TCERG1L: variants seen among roughly 807,000 people sequenced by gnomAD.
The protein encoded by TCERG1L is transcription elongation regulator 1-like protein.
In TCERG1L, 37 loss-of-function variants were observed where a neutral mutation model predicts 56.3. That is an observed-to-expected ratio of 0.66 (90% confidence interval 0.51 to 0.87). TCERG1L has a LOEUF of 0.87. Among genes scored for constraint, TCERG1L ranks in the 40% least tolerant of loss-of-function variants. The probability of loss-of-function intolerance (pLI) is 0.00; values close to 1 mark genes in which losing one functional copy is unlikely to be tolerated. For synonymous variants in TCERG1L, 324 were observed against 326.3 expected, an observed-to-expected ratio of 0.99 and a Z score of 0.08; for missense variants, 799 against 774.2, an observed-to-expected ratio of 1.03 and a Z score of -0.38.
intron 4 of TCERG1L, among the ~76,000 whole-genome samples, chr10:131,181,091 C>G (rs1216386923): frequency 2.0e-5 from 3 of 152,196 alleles, no homozygotes; most frequent in Non-Finnish European, 4.4e-5. Flanking sequence ...CAGACCATAA[C>G]CCCAGAGTCC....
intron 9 of TCERG1L, among the ~76,000 whole-genome samples, chr10:131,113,818 T>A (rs558535780): frequency 1.4e-5 from 2 of 142,220 alleles, no homozygotes; most frequent in Admixed American, 1.4e-4. Context: ...TGGGTGAGCA[T>A]CACCTGCTTG....
intron 6 of TCERG1L, among the ~76,000 whole-genome samples, chr10:131,160,419 C>G (rs1845964897): frequency 2.6e-5 from 4 of 151,958 alleles, no homozygotes; most frequent in Admixed American, 2.6e-4. Context: ...CCCCGCCACT[C>G]CCTCTGACCA....
chr10:131,295,555 T>C (rs1029619557), intron 3 of TCERG1L, among the ~76,000 whole-genome samples: 1 of 152,258 alleles, frequency 6.6e-6, no homozygotes, highest in Non-Finnish European at 1.5e-5. Flanking sequence ...TAATGAAATA[T>C]GATGTTGAAC....
chr10:131,217,107 C>A (rs1589751748), intron 4 of TCERG1L, among the ~76,000 whole-genome samples: 1 of 152,282 alleles, frequency 6.6e-6, no homozygotes, highest in East Asian at 1.9e-4. Context: ...CCACCCAAAT[C>A]TCATGACAGA....
intron 4 of TCERG1L, among the ~76,000 whole-genome samples, chr10:131,190,962 GA>G (rs1391751491): frequency 6.9e-6 from 1 of 144,204 alleles, no homozygotes; most frequent in Non-Finnish European, 1.5e-5. Context: ...CGTATACCTA[GA>G]AAATTCTAAA....
chr10:131,259,795 C>T (rs1449176674), intron 4 of TCERG1L, among the ~76,000 whole-genome samples: 1 of 152,230 alleles, frequency 6.6e-6, no homozygotes, highest in Non-Finnish European at 1.5e-5. Context: ...GCCCCTGTGT[C>T]CAGCCCAGGG....
intron 4 of TCERG1L, among the ~76,000 whole-genome samples, chr10:131,179,522 AC>A (rs2133450815): frequency 6.6e-6 from 1 of 151,994 alleles, no homozygotes; most frequent in East Asian, 2.0e-4. Context: ...CTCGGGCACC[AC>A]CTTTTCCAAC....
chr10:131,210,860 A>G (rs985992024), intron 4 of TCERG1L, among the ~76,000 whole-genome samples: 3 of 152,234 alleles, frequency 2.0e-5, no homozygotes, highest in African/African-American at 7.2e-5. Context: ...ACAGTTCCCC[A>G]TGTAAAATCA....
chr10:131,211,537 C>T (rs1441717800), intron 4 of TCERG1L, among the ~76,000 whole-genome samples: 1 of 152,206 alleles, frequency 6.6e-6, no homozygotes, highest in Admixed American at 6.5e-5. Flanking sequence ...CTTCTCCATC[C>T]ACATCCTGGG....
intron 4 of TCERG1L, 78 bp from the exon 5 acceptor site, chr10:131,166,963 A>T: frequency 7.5e-7 from 1 of 1,342,072 alleles, no homozygotes; most frequent in Non-Finnish European, 1.0e-6. Context: ...AAAGACAAAA[A>T]GTGGCCCTGA....
intron 4 of TCERG1L, among the ~76,000 whole-genome samples, chr10:131,257,049 G>GAAAGAAAGAAAGAAAGA (rs1564827261): frequency 1.4e-4 from 19 of 140,386 alleles, no homozygotes; most frequent in Admixed American, 8.7e-4. Context: ...AAGAAAGAAA[G>GAAAGAAAGAAAGAAAGA]AAAGAAAAGA....
chr10:131,231,449 G>C (rs973558546), intron 4 of TCERG1L, among the ~76,000 whole-genome samples: 6 of 152,192 alleles, frequency 3.9e-5, no homozygotes, highest in African/African-American at 1.4e-4. Flanking sequence ...GAGACTCCAA[G>C]AATTGCAGCC....
At chr10:131,244,702 G>A (rs532139210) in intron 4 of TCERG1L, among the ~76,000 whole-genome samples, 13 of 152,244 alleles carry the variant, frequency 8.5e-5, no homozygotes, top group African/African-American at 3.1e-4. Flanking sequence ...ATTGGGGAGG[G>A]CTTCCAGAGC....
chr10:131,241,588 C>T (rs564605071), intron 4 of TCERG1L, among the ~76,000 whole-genome samples: 30 of 150,416 alleles, frequency 2.0e-4, no homozygotes, highest in African/African-American at 6.1e-4. Context: ...CAGTGGATAG[C>T]GCAATATAAA....
chr10:131,220,922 C>A (rs549907364), intron 4 of TCERG1L, among the ~76,000 whole-genome samples: 1 of 152,348 alleles, frequency 6.6e-6, no homozygotes, highest in African/African-American at 2.4e-5. Context: ...GGGCCACCAC[C>A]ATCCAGGGGC....
intron 4 of TCERG1L, among the ~76,000 whole-genome samples, chr10:131,170,296 T>C (rs1846075765): frequency 6.6e-6 from 1 of 152,070 alleles, no homozygotes; most frequent in African/African-American, 2.4e-5. Flanking sequence ...TACTCTTTGC[T>C]TTGGGCCTCT....
At chr10:131,227,936 C>T (rs1048544196) in intron 4 of TCERG1L, among the ~76,000 whole-genome samples, 6 of 152,128 alleles carry the variant, frequency 3.9e-5, no homozygotes, top group African/African-American at 7.2e-5. Context: ...CTTCCTGCTC[C>T]CTGGCTGAGT....
At chr10:131,210,644 T>C (rs1845606708) in intron 4 of TCERG1L, among the ~76,000 whole-genome samples, 1 of 152,200 alleles carries the variant, frequency 6.6e-6, no homozygotes, top group Non-Finnish European at 1.5e-5. Context: ...TGTCTTGAGC[T>C]GTCCCGCAGG....
At chr10:131,291,781 T>G (rs1037263776) in intron 3 of TCERG1L, among the ~76,000 whole-genome samples, 1 of 146,188 alleles carries the variant, frequency 6.8e-6, no homozygotes, top group Non-Finnish European at 1.5e-5. Flanking sequence ...ATAGTAACTG[T>G]AAAAAAAAAA....
Sources: gnomAD v4.1 joint callset for allele counts (sites outside exome capture counted in the v4.1 genomes callset) on GRCh38, gnomAD v4.1.1 for gene constraint, MANE v1.5 for transcripts, NCBI Gene and HGNC (gene_info 2026-07-23, HGNC 2026-07-21) for gene names.